The following MAP3K15 variants were observed in gnomAD, a reference collection of about 807,000 sequenced individuals.
MAP3K15 encodes mitogen-activated protein kinase kinase kinase 15, also known as MAPK/ERK kinase kinase 15.
A neutral mutation model predicts 99.5 loss-of-function variants in MAP3K15; 124 were observed. The observed-to-expected ratio is 1.25, with a 90% CI of 1.08 to 1.45. MAP3K15 has a LOEUF of 1.45. Ranked by LOEUF, MAP3K15 falls within the 40% of genes most tolerant of loss-of-function variation. The probability of loss-of-function intolerance (pLI) is 0.00; values close to 1 mark genes in which losing one functional copy is unlikely to be tolerated. For missense variants in MAP3K15, 1,242 were observed against 1,079.7 expected (o/e 1.15, Z -2.11); for synonymous variants, 494 against 439.6 (o/e 1.12, Z -1.55).
At chrX:19,422,605 T>C (rs1052302706) in intron 9 of MAP3K15, among the ~76,000 whole-genome samples, 3 of 111,971 alleles carry the variant, frequency 2.7e-5, no homozygotes, top group Non-Finnish European at 3.8e-5. Context: ...TCAACCATTG[T>C]AGAAGTCAGT....
chrX:19,455,011 G>T (rs1481516940), intron 6 of MAP3K15, among the ~76,000 whole-genome samples: 1 of 111,840 alleles, frequency 8.9e-6, no homozygotes, highest in East Asian at 2.8e-4. Context: ...TTGACGGCTG[G>T]CCAACTTAAG....
At chrX:19,410,050 C>T in intron 11 of MAP3K15, 77 bp from the exon 12 acceptor site, 1 of 884,069 alleles carries the variant, frequency 1.1e-6, no homozygotes, top group Non-Finnish European at 1.6e-6. Context: ...ATTCTATGGT[C>T]AATCATTTCT....
intron 3 of MAP3K15, among the ~76,000 whole-genome samples, chrX:19,473,407 A>G (rs2064220352): frequency 8.9e-6 from 1 of 112,422 alleles, no homozygotes; most frequent in African/African-American, 3.2e-5. Context: ...ATTAAAAATA[A>G]AAACAATGAT....
chrX:19,505,589 T>C (rs758503492), intron 1 of MAP3K15, among the ~76,000 whole-genome samples: 1 of 110,393 alleles, frequency 9.1e-6, no homozygotes, highest in Non-Finnish European at 1.9e-5. Flanking sequence ...GATGAGAAGG[T>C]ATGGGAAGGC....
intron 9 of MAP3K15, among the ~76,000 whole-genome samples, chrX:19,417,478 G>A (rs770134187): frequency 8.3e-4 from 93 of 111,930 alleles, no homozygotes; most frequent in African/African-American, 2.5e-3. Context: ...ACTGCAAGGC[G>A]GCAGTGAGGC....
chrX:19,412,602 G>A (rs993671569), intron 11 of MAP3K15, among the ~76,000 whole-genome samples: 4 of 111,600 alleles, frequency 3.6e-5, no homozygotes, highest in Non-Finnish European at 1.9e-5. Context: ...GAAAGAGGAA[G>A]GGAGGGGGCA....
chrX:19,435,232 CTTTTTTT>C (rs762215032), intron 6 of MAP3K15, among the ~76,000 whole-genome samples: 1 of 99,326 alleles, frequency 1.0e-5, no homozygotes, highest in Non-Finnish European at 2.0e-5. Context: ...CACTTGAATG[CTTTTTTT>C]TTTTTTTTCT....
intron 18 of MAP3K15, among the ~76,000 whole-genome samples, chrX:19,386,855 T>C (rs1322292185): frequency 2.7e-5 from 3 of 110,894 alleles, no homozygotes; most frequent in Non-Finnish European, 3.8e-5. Context: ...AGAGCTATGC[T>C]GGGCTGCCTA....
intron 1 of MAP3K15, among the ~76,000 whole-genome samples, chrX:19,495,587 T>C (rs779682057): frequency 5.4e-5 from 6 of 111,384 alleles, no homozygotes; most frequent in Admixed American, 9.6e-5. Context: ...GATTGAGATG[T>C]GTCTACTACC....
intron 6 of MAP3K15, among the ~76,000 whole-genome samples, chrX:19,437,061 C>T (rs991009966): frequency 2.7e-5 from 3 of 111,945 alleles, no homozygotes; most frequent in Non-Finnish European, 5.6e-5. Context: ...CATTCTTCCT[C>T]TTACTCAGGC....
intron 1 of MAP3K15, among the ~76,000 whole-genome samples, chrX:19,505,790 G>A (rs2064472501): frequency 2.0e-5 from 2 of 102,444 alleles, no homozygotes; most frequent in African/African-American, 7.3e-5. Context: ...CTTGTCACCC[G>A]GGCTTGAGTG....
rs2064034567 is a variant in MAP3K15 at position 19,451,154 on chromosome X, G to A, written c.995+5759C>T. Among the ~76,000 whole-genome samples the A allele has an allele frequency of 2.8e-5, 3 of 107,176 alleles. 1 individual carries two copies. The South Asian group carries it at 1.3e-3, about 46-fold the overall frequency. The allele number at this position is 107,176 out of a possible 115,157, so 93.1% of individuals were successfully genotyped here. A position where few individuals can be genotyped will look rare whatever the true frequency, so the allele number is the denominator to read the frequency against. ...TACAAAAATTAGCTGGCGTGGTGGT[G>A]GGTGCCGGTAATCCCAGCTACTCGG... On this transcript the variant is annotated intron_variant, in intron 6 of 28. Transcript: ENST00000338883.
At chrX:19,421,026 C>T (rs1364646837) in intron 9 of MAP3K15, among the ~76,000 whole-genome samples, 136 of 111,059 alleles carry the variant, frequency 1.2e-3, no homozygotes, top group South Asian at 2.7e-3. Context: ...ATTGATGGGA[C>T]GTATCTCAAA....
intron 3 of MAP3K15, among the ~76,000 whole-genome samples, chrX:19,464,893 G>A (rs906253681): frequency 9.0e-6 from 1 of 111,247 alleles, no homozygotes. Flanking sequence ...ATGAGTCTCA[G>A]ATCTCTTCTG....
Position 19,464,420 on chromosome X carries a change from A to G in MAP3K15, c.526-14T>C. On this transcript the variant is annotated splice_polypyrimidine_tract_variant and intron_variant, in intron 3 of 28. Coordinates refer to ENST00000338883, the MANE Select transcript of MAP3K15 (RefSeq NM_001001671.4). ...TCCACTGGATGCCTGGAAAAAAGAAACAAAGATGTTCCAGAAAGTAACTTA... is the reference window on the plus strand; with the variant it reads ...TCCACTGGATGCCTGGAAAAAAGAAGCAAAGATGTTCCAGAAAGTAACTTA... 8.6e-7 allele frequency: 1 copy of G among 1,160,549 alleles called. No individual in the cohort carries two copies. The highest frequency in any genetic ancestry group is 1.2e-6 in the Non-Finnish European group (1 of 866,131).
intron 25 of MAP3K15, among the ~76,000 whole-genome samples, chrX:19,367,589 CACA>C (rs2147207249): frequency 9.5e-6 from 1 of 105,705 alleles, no homozygotes; most frequent in East Asian, 2.8e-4. Flanking sequence ...TGACAGCATA[CACA>C]ACCTTTCATC....
intron 3 of MAP3K15, among the ~76,000 whole-genome samples, chrX:19,465,131 C>T (rs1187864937): frequency 9.0e-6 from 1 of 110,954 alleles, no homozygotes; most frequent in South Asian, 3.9e-4. Flanking sequence ...AGGGCTCAAA[C>T]AATCCGCCCA....
chrX:19,379,236 T>C (rs1328587230), intron 19 of MAP3K15, among the ~76,000 whole-genome samples: 1 of 110,166 alleles, frequency 9.1e-6, no homozygotes, highest in African/African-American at 3.3e-5. Context: ...CTGGAAGCCA[T>C]CTCTCTGAAA....
At chrX:19,389,998 T>G (rs1448094742) in intron 18 of MAP3K15, among the ~76,000 whole-genome samples, 1 of 112,143 alleles carries the variant, frequency 8.9e-6, no homozygotes, top group Non-Finnish European at 1.9e-5. Context: ...TCTGATAGTG[T>G]CCCTGGTATA....
Sources: gnomAD v4.1 joint callset for allele counts (sites outside exome capture counted in the v4.1 genomes callset) on GRCh38, gnomAD v4.1.1 for gene constraint, MANE v1.5 for transcripts, NCBI Gene and HGNC (gene_info 2026-07-23, HGNC 2026-07-21) for gene names.